The following ZBTB46 variants were observed in gnomAD, a reference collection of about 807,000 sequenced individuals.
ZBTB46 encodes the protein zinc finger and BTB domain containing 46, also known as zinc finger and BTB domain-containing protein 46.
In ZBTB46, 8 loss-of-function variants were observed where a neutral mutation model predicts 44.1. The observed-to-expected ratio is 0.18, with a 90% CI of 0.11 to 0.33. The LOEUF (loss-of-function observed/expected upper bound fraction) is 0.33. Among genes scored for constraint, ZBTB46 ranks in the 10% least tolerant of loss-of-function variants. ZBTB46 has a pLI of 1.00. For synonymous variants in ZBTB46, 409 were observed against 382.3 expected, an observed-to-expected ratio of 1.07 and a Z score of -0.81; for missense variants, 651 against 847.7, an observed-to-expected ratio of 0.77 and a Z score of 2.88.
At chr20:63,828,557 G>T (rs894648775) in intron 1 of ZBTB46, among the ~76,000 whole-genome samples, 9 of 152,144 alleles carry the variant, frequency 5.9e-5, no homozygotes, top group Middle Eastern at 3.2e-3. Flanking sequence ...CATCACTCAA[G>T]GTCACTCATG....
rs2092552351 is a variant in ZBTB46 at position 63,790,475 on chromosome 20, G to A, written c.283C>T (p.Leu95=). 1 of 1,613,418 alleles carries A rather than the reference G, an allele frequency of 6.2e-7. No individual in the cohort carries two copies. The highest frequency in any genetic ancestry group is 8.5e-7 in the Non-Finnish European group (1 of 1,180,024). Residue 95 remains leucine, a synonymous_variant, in exon 2 of 5, where the codon CTG becomes TTG. Coordinates refer to ENST00000245663, the MANE Select transcript of ZBTB46 (RefSeq NM_001369741.1). ...ATGACGTTCCTGCTGGTGAGCGCCA[G>A]GTGCGCTGAGTACATGAAGTCGATG... ...AIIDFMYSAH[L]ALTSRNVIEV... is the part of the protein sequence containing the mutation.
chr20:63,795,049 C>T (rs556432810), intron 1 of ZBTB46, among the ~76,000 whole-genome samples: 2 of 152,338 alleles, frequency 1.3e-5, no homozygotes, highest in South Asian at 4.2e-4. Context: ...CCAAGGGGCA[C>T]CCGCGGCTGC....
intron 1 of ZBTB46, chr20:63,814,935 T>C (rs2092739466): frequency 1.3e-5 from 2 of 155,186 alleles, no homozygotes; most frequent in African/African-American, 2.4e-5. Flanking sequence ...GATCATGGTC[T>C]CACATGCCTG....
chr20:63,798,822 T>A (rs575294940), intron 1 of ZBTB46, among the ~76,000 whole-genome samples: 122 of 145,060 alleles, frequency 8.4e-4, no homozygotes, highest in South Asian at 2.0e-3. Flanking sequence ...CCAGCCTGGG[T>A]GACAGAGCGA....
At chr20:63,781,098 GC>G (rs1253284494) in intron 2 of ZBTB46, among the ~76,000 whole-genome samples, 1 of 133,310 alleles carries the variant, frequency 7.5e-6, no homozygotes, top group Non-Finnish European at 1.5e-5. Flanking sequence ...CCAAGATGGT[GC>G]CACTGCACTC....
intron 3 of ZBTB46, among the ~76,000 whole-genome samples, chr20:63,761,112 C>T (rs1206767026): frequency 2.7e-5 from 4 of 149,240 alleles, no homozygotes; most frequent in African/African-American, 9.8e-5. Context: ...AATTCTCCTG[C>T]CTCAGCCTCC....
intron 4 of ZBTB46, 124 bp from the exon 5 acceptor site, chr20:63,747,425 G>GGC (rs2092108769): frequency 6.2e-6 from 2 of 320,180 alleles, no homozygotes; most frequent in African/African-American, 4.5e-5. Flanking sequence ...GGTTGGAAGA[G>GGC]GGGGCAGGGG....
Position 63,767,277 on chromosome 20 carries a change from A to G in ZBTB46, c.1222+8401T>C, listed in dbSNP as rs1204227416. On this transcript the variant is annotated intron_variant, in intron 3 of 4. Coordinates refer to ENST00000245663, the MANE Select transcript of ZBTB46 (RefSeq NM_001369741.1). This position sits in a 1 kb window ranked among gnomAD's most constrained non-coding sequence, Gnocchi z 5.0. ...TGGGGACATGTTTTCCCGCCCCTGA[A>G]AGCCCCCCGTCCCCACACATTGGCA... Among the ~76,000 whole-genome samples, 1 of 151,852 alleles carries G rather than the reference A, an allele frequency of 6.6e-6. No homozygotes were observed. The highest frequency in any genetic ancestry group is 1.5e-5 in the Non-Finnish European group (1 of 67,934).
intron 1 of ZBTB46, among the ~76,000 whole-genome samples, chr20:63,826,179 G>A (rs531895243): frequency 6.6e-6 from 1 of 152,412 alleles, no homozygotes; most frequent in East Asian, 1.9e-4. Context: ...AAGAGATGAT[G>A]TGATGCACTT....
intron 1 of ZBTB46, among the ~76,000 whole-genome samples, chr20:63,802,024 A>C (rs1215414249): frequency 6.6e-6 from 1 of 151,276 alleles, no homozygotes; most frequent in Non-Finnish European, 1.5e-5. Flanking sequence ...TACGGGTTGA[A>C]CCCCCCGCCC....
At chr20:63,815,954 C>T (rs1296475176) in intron 1 of ZBTB46, among the ~76,000 whole-genome samples, 10 of 141,034 alleles carry the variant, frequency 7.1e-5, no homozygotes, top group African/African-American at 2.7e-5. Context: ...ACAGTGGGCA[C>T]AGGTGCAGTG....
At chr20:63,796,001 A>C (rs67796606) in intron 1 of ZBTB46, among the ~76,000 whole-genome samples, 1 of 152,098 alleles carries the variant, frequency 6.6e-6, no homozygotes, top group Admixed American at 6.5e-5. Context: ...ACTCACTCCA[A>C]TCCTCTCATT....
intron 3 of ZBTB46, among the ~76,000 whole-genome samples, chr20:63,756,559 T>C (rs1238023564): frequency 6.6e-6 from 1 of 152,246 alleles, no homozygotes; most frequent in African/African-American, 2.4e-5. Context: ...CTGTCCAGAT[T>C]ATTTTCAAAA....
intron 1 of ZBTB46, among the ~76,000 whole-genome samples, chr20:63,802,034 C>T (rs966495328): frequency 1.3e-5 from 2 of 152,168 alleles, no homozygotes; most frequent in African/African-American, 4.8e-5. Flanking sequence ...ACCCCCCGCC[C>T]CCGCCTCCCA....
At chr20:63,794,323 C>A (rs1159496565) in intron 1 of ZBTB46, among the ~76,000 whole-genome samples, 1 of 152,118 alleles carries the variant, frequency 6.6e-6, no homozygotes, top group Non-Finnish European at 1.5e-5. Context: ...ACCCAAGTAG[C>A]TAGGACCACA....
chr20:63,773,420 C>G (rs2092393396), intron 3 of ZBTB46, among the ~76,000 whole-genome samples: 1 of 152,032 alleles, frequency 6.6e-6, no homozygotes, highest in Non-Finnish European at 1.5e-5. Context: ...GATGGGGTTT[C>G]CCCACGTTGC....
At chr20:63,781,557 G>A (rs1387089874) in intron 2 of ZBTB46, among the ~76,000 whole-genome samples, 2 of 152,354 alleles carry the variant, frequency 1.3e-5, no homozygotes, top group African/African-American at 4.8e-5. Context: ...GTAGGAGGCC[G>A]AGGCAGGCGG....
intron 1 of ZBTB46, among the ~76,000 whole-genome samples, chr20:63,808,797 A>G (rs2146020245): frequency 6.6e-6 from 1 of 151,322 alleles, no homozygotes; most frequent in Non-Finnish European, 1.5e-5. Flanking sequence ...ACATGGTGAA[A>G]CCCCGTCTCT....
Position 63,767,032 on chromosome 20 carries a change from TAG to T in ZBTB46, c.1222+8644_1222+8645del. The stretch of plus-strand genomic sequence containing the variant: ...CAAGTCCACAACCACCTGCTCTGAA[TAG>T]AAAGCTGACATTGAACCTAACACGT... On this transcript the variant is annotated intron_variant, in intron 3 of 4. Coordinates refer to ENST00000245663, the MANE Select transcript of ZBTB46 (RefSeq NM_001369741.1). This position sits in a 1 kb window ranked among gnomAD's most constrained non-coding sequence, Gnocchi z 5.0. Among the ~76,000 whole-genome samples, 1 of 152,302 alleles carries T rather than the reference TAG, an allele frequency of 6.6e-6. No homozygotes were observed.
Sources: gnomAD v4.1 joint callset for allele counts (sites outside exome capture counted in the v4.1 genomes callset) on GRCh38, gnomAD v4.1.1 for gene constraint, Gnocchi (gnomAD v3.1) non-coding constraint, MANE v1.5 for transcripts, NCBI Gene and HGNC (gene_info 2026-07-23, HGNC 2026-07-21) for gene names.